The following ELP1 variants were observed in gnomAD, a reference collection of about 807,000 sequenced individuals.
The protein encoded by ELP1 is elongator complex protein 1.
In ELP1, 131 loss-of-function variants were observed where a neutral mutation model predicts 183.2. That is an observed-to-expected ratio of 0.72 (90% CI 0.62 to 0.83). The LOEUF is 0.83. Ranked by LOEUF, ELP1 falls within the 40% of genes least tolerant of loss-of-function variation. The pLI is 0.00. For missense variants in ELP1, 1,550 were observed against 1,594.9 expected (o/e 0.97, Z 0.48); for synonymous variants, 555 against 569.0 (o/e 0.98, Z 0.35).
intron 9 of ELP1, among the ~76,000 whole-genome samples, 175 bp downstream of exon 9, chr9:108,917,372 C>T (rs527717637): frequency 1.3e-5 from 2 of 151,224 alleles, no homozygotes; most frequent in East Asian, 3.9e-4. Context: ...GAGGCTGAGG[C>T]AGGAGAATCA....
intron 7 of ELP1, 102 bp from the exon 8 acceptor site, chr9:108,919,003 C>T: frequency 1.1e-6 from 1 of 939,320 alleles, no homozygotes; most frequent in African/African-American, 1.6e-5. Flanking sequence ...ATAAAAACTG[C>T]CATGGTTTTA....
intron 20 of ELP1, 64 bp downstream of exon 20, chr9:108,899,758 A>C: frequency 2.3e-6 from 3 of 1,281,706 alleles, no homozygotes; most frequent in Non-Finnish European, 3.4e-6. Flanking sequence ...TTGTAATAAA[A>C]TACTTATTGT....
Position 108,903,661 on chromosome 9 carries a change from G to A in ELP1, c.1652C>T (p.Ala551Val). The change falls in exon 15 of 37, where the codon GCA (alanine) becomes GTA (valine). Residue 551 changes from alanine (A) to valine (V), a missense_variant. Ala to Val is a moderately conservative substitution (Grantham distance 64). Coordinates refer to ENST00000374647, the MANE Select transcript of ELP1 (RefSeq NM_003640.5). The part of the protein sequence containing the change: ...EHGQLNVSSS[A>V]AVDGVIISLC... ...ACTGATTATGACCCCATCCACCGCT[G>A]CAGATGAACTGACAAAAAAAAGGAG... 2 of 1,612,966 alleles carry A rather than the reference G, an allele frequency of 1.2e-6. No individual in the cohort carries two copies. Among genetic ancestry groups the A allele is most frequent in the African/African-American group, 1.3e-5 (1 of 74,972 alleles).
Position 108,901,533 on chromosome 9 carries a change from G to A in ELP1, c.1909-3C>T. ...AATGACGTGATATTTGACGCAACCTGCAAGAGAAGGCCAGAGAGGCATGGG... is the reference window on the plus strand; with the variant it reads ...AATGACGTGATATTTGACGCAACCTACAAGAGAAGGCCAGAGAGGCATGGG... On this transcript the variant is annotated splice_region_variant and splice_polypyrimidine_tract_variant and intron_variant, in intron 17 of 36. Coordinates refer to ENST00000374647, the MANE Select transcript of ELP1 (RefSeq NM_003640.5). 6.2e-7 allele frequency: 1 copy of A among 1,613,136 alleles called. No individual in the cohort carries two copies. The highest frequency in any genetic ancestry group is 1.1e-5 in the South Asian group (1 of 91,068).
chr9:108,930,780 C>A (rs1445063546), intron 2 of ELP1, among the ~76,000 whole-genome samples: 1 of 151,326 alleles, frequency 6.6e-6, no homozygotes, highest in Non-Finnish European at 1.5e-5. Context: ...AAAGTAAGGT[C>A]AGAGTTCTAC....
intron 35 of ELP1, 42 bp from the exon 36 acceptor site, chr9:108,875,012 C>T (rs1279703812): frequency 7.4e-6 from 10 of 1,356,436 alleles, no homozygotes; most frequent in Non-Finnish European, 1.1e-5. Context: ...TTATCTAATA[C>T]TTCTCAAGAC....
Position 108,908,360 on chromosome 9 carries a change from C to T in ELP1, c.1405G>A (p.Gly469Ser), listed in dbSNP as rs758755864. The T allele has an allele frequency of 6.2e-7, 1 of 1,614,146 alleles. No homozygotes were observed. Among genetic ancestry groups the T allele is most frequent in the African/African-American group, 1.3e-5 (1 of 75,028 alleles). The part of the protein sequence containing the change: ...ADPTVKLGAV[G>S]GSGFKVCLRT... ...AGGCAAACTTTAAATCCACTTCCACCCACAGCTCCCAGTTTCACTGTAGGG... is the reference window on the plus strand; with the variant it reads ...AGGCAAACTTTAAATCCACTTCCACTCACAGCTCCCAGTTTCACTGTAGGG... The change falls in exon 13 of 37, where the codon GGT becomes AGT. Residue 469 changes from glycine (G) to serine (S), a missense_variant. Coordinates refer to ENST00000374647, the MANE Select transcript of ELP1 (RefSeq NM_003640.5).
intron 6 of ELP1, among the ~76,000 whole-genome samples, chr9:108,920,481 C>A (rs1323959212): frequency 6.6e-6 from 1 of 152,014 alleles, no homozygotes; most frequent in Admixed American, 6.6e-5. Flanking sequence ...AGGATTTCAC[C>A]ATGTTGGACA....
At chr9:108,907,233 C>T (rs867880225) in intron 13 of ELP1, among the ~76,000 whole-genome samples, 2 of 152,182 alleles carry the variant, frequency 1.3e-5, no homozygotes, top group Non-Finnish European at 2.9e-5. Context: ...ATCCCTTCCC[C>T]AAGATCACGA....
chr9:108,930,168 T>A (rs137937722), intron 2 of ELP1, among the ~76,000 whole-genome samples: 195 of 152,318 alleles, frequency 1.3e-3, no homozygotes, highest in African/African-American at 4.5e-3. Flanking sequence ...CTGGTCTCTT[T>A]AAAATTGTCC....
chr9:108,905,149 T>A (rs1828970968), intron 14 of ELP1, among the ~76,000 whole-genome samples: 1 of 152,236 alleles, frequency 6.6e-6, no homozygotes, highest in Non-Finnish European at 1.5e-5. Context: ...CACGAAAGAC[T>A]ATGAGTCAAA....
intron 5 of ELP1, among the ~76,000 whole-genome samples, chr9:108,924,284 G>A (rs947061016): frequency 3.3e-5 from 5 of 152,034 alleles, no homozygotes; most frequent in African/African-American, 1.2e-4. Context: ...CTGCAACACA[G>A]ATCATACAGC....
At chr9:108,914,379 AAGAG>A (rs371551771) in intron 10 of ELP1, among the ~76,000 whole-genome samples, 2 of 126,036 alleles carry the variant, frequency 1.6e-5, no homozygotes, top group African/African-American at 3.1e-5. Flanking sequence ...GCCTGGGGGA[AAGAG>A]AGAGACTCCG....
chr9:108,878,153 G>A lies in ELP1; in HGVS notation c.3701-4C>T, dbSNP rs2118934562. The A allele has an allele frequency of 6.2e-7, 1 of 1,602,364 alleles. No individual in the cohort carries two copies. Among genetic ancestry groups the A allele is most frequent in the Non-Finnish European group, 8.6e-7 (1 of 1,169,344 alleles). ...TTTAAAATATGGTATACTTCATCTA[G>A]AGAGAAGAAATTTGAAAGAGTGGTA... is the stretch of plus-strand genomic sequence containing the variant. On this transcript the variant is annotated splice_region_variant and splice_polypyrimidine_tract_variant and intron_variant, in intron 34 of 36. Transcript: ENST00000374647.
At chr9:108,885,005 T>C (rs922723016) in intron 29 of ELP1, among the ~76,000 whole-genome samples, 6 of 152,040 alleles carry the variant, frequency 3.9e-5, no homozygotes, top group Middle Eastern at 3.4e-3. Flanking sequence ...AGCTTGAATG[T>C]AGGAGTTTGA....
chr9:108,879,855 C>A (rs374137502), intron 32 of ELP1, among the ~76,000 whole-genome samples, 197 bp downstream of exon 32: 1 of 152,182 alleles, frequency 6.6e-6, no homozygotes, highest in African/African-American at 2.4e-5. Context: ...GAGCTCTCCC[C>A]ATTCATGCTT....
intron 36 of ELP1, among the ~76,000 whole-genome samples, chr9:108,874,116 G>C (rs766490750): frequency 1.3e-5 from 2 of 151,986 alleles, no homozygotes; most frequent in Non-Finnish European, 2.9e-5. Context: ...GTAGCACTTC[G>C]GTGAAAAAAA....
chr9:108,889,421 T>C (rs574290632), intron 28 of ELP1, 28 bp from the exon 29 acceptor site: 2 of 1,603,998 alleles, frequency 1.2e-6, no homozygotes, highest in African/African-American at 1.3e-5. Context: ...AGCAGTTGAC[T>C]ACAAAGTTAA....
intron 13 of ELP1, 95 bp from the exon 14 acceptor site, chr9:108,906,580 C>T (rs1829029950): frequency 3.2e-6 from 3 of 938,828 alleles, no homozygotes; most frequent in African/African-American, 1.6e-5. Context: ...ATCTTGTATA[C>T]AGTCCACTCC....
Sources: allele counts gnomAD v4.1 joint callset (sites outside exome capture counted in the v4.1 genomes callset), GRCh38; gene constraint gnomAD v4.1.1; transcripts MANE v1.5; gene names NCBI Gene and HGNC (gene_info 2026-07-23, HGNC 2026-07-21).